The following IAH1 variants were observed in gnomAD, a reference collection of about 807,000 sequenced individuals.
IAH1 encodes isoamyl acetate-hydrolyzing esterase 1 homolog.
A neutral mutation model predicts 26.7 loss-of-function variants in IAH1; 24 were observed. The observed-to-expected ratio is 0.90, with a 90% CI of 0.65 to 1.26. The LOEUF is 1.26. Ranked by LOEUF, IAH1 falls within the 50% of genes most tolerant of loss-of-function variation. IAH1 has a pLI of 0.00. For synonymous variants in IAH1, 140 were observed against 118.5 expected (o/e 1.18, Z -1.18); for missense variants, 300 against 299.9 (o/e 1.00, Z 0.00).
At chr2:9,501,198 T>C (rs1330050295), downstream of IAH1, among the ~76,000 whole-genome samples, 2 of 151,156 alleles carry the variant, frequency 1.3e-5, no homozygotes, top group Non-Finnish European at 2.9e-5. Context: ...AGCTGAAAAA[T>C]ATAAAGAGAT....
chr2:9,484,078 C>T (rs932737264), intron 4 of IAH1, among the ~76,000 whole-genome samples: 1 of 152,210 alleles, frequency 6.6e-6, no homozygotes, highest in Non-Finnish European at 1.5e-5. Flanking sequence ...CCCTTACCAG[C>T]CCCCAGCCCA....
At chr2:9,487,262 T>A (rs1289950016) in intron 5 of IAH1, among the ~76,000 whole-genome samples, 1 of 152,114 alleles carries the variant, frequency 6.6e-6, no homozygotes. Flanking sequence ...TGTATCTTTT[T>A]AAATATGTAC....
intron 6 of IAH1, among the ~76,000 whole-genome samples, chr2:9,495,931 C>T (rs1217870857): frequency 6.7e-6 from 1 of 149,650 alleles, no homozygotes; most frequent in African/African-American, 2.5e-5. Flanking sequence ...AACTCCTGAG[C>T]TCAAGTGATC....
downstream of IAH1, among the ~76,000 whole-genome samples, chr2:9,498,174 C>T (rs892857520): frequency 6.6e-6 from 1 of 152,072 alleles, no homozygotes; most frequent in Non-Finnish European, 1.5e-5. Context: ...GGATTTCAGG[C>T]GTACGCCACC....
chr2:9,501,625 A>C, the IAH1 span, among the ~76,000 whole-genome samples: 7 of 152,142 alleles, frequency 4.6e-5, no homozygotes, highest in African/African-American at 1.2e-4. Flanking sequence ...ATATAGAAAA[A>C]CTGGTTACCC....
Position 9,475,981 on chromosome 2 carries a change from C to T in IAH1, c.82-6C>T. 1 of 1,613,362 alleles carries T rather than the reference C, an allele frequency of 6.2e-7. No homozygotes were observed. On this transcript the variant is annotated splice_polypyrimidine_tract_variant and splice_region_variant and intron_variant, in intron 1 of 5. Transcript: ENST00000497473. ...TAGTAGTAATAATGGGCTTTTCTTC[C>T]TCCAGTTTTCCTTCCAGCAGGGTGG...
At chr2:9,502,047 AAACTC>A in the IAH1 span, 1 of 828,566 alleles carries the variant, frequency 1.2e-6, no homozygotes, top group Non-Finnish European at 1.9e-6. Context: ...GGAGTGCCAG[AAACTC>A]AACCCGGCAT....
At chr2:9,505,299 G>A in the IAH1 span, 1 of 1,614,110 alleles carries the variant, frequency 6.2e-7, no homozygotes, top group Non-Finnish European at 8.5e-7. Flanking sequence ...CTGCGTTCTT[G>A]AAAACACTCC....
Position 9,474,778 on chromosome 2 carries a change from A to G in IAH1, c.81+131A>G. ...GCCGGAGGCCTGGCCACGCCCGTGG[A>G]GACACCGGAGGAGTGGCGGGTCCCC... On this transcript the variant is annotated intron_variant, in intron 1 of 5. Coordinates refer to ENST00000497473, the MANE Select transcript of IAH1 (RefSeq NM_001039613.3). The surrounding 1 kb of genome is among the most constrained non-coding windows in gnomAD (Gnocchi z 4.3). The G allele has an allele frequency of 4.4e-6, 3 of 674,648 alleles. No individual in the cohort carries two copies. Among genetic ancestry groups the G allele is most frequent in the Non-Finnish European group, 6.7e-6 (3 of 447,026 alleles). The allele number at this position is 674,648 out of a possible 1,614,324, so 41.8% of individuals were successfully genotyped here.
chr2:9,475,028 C>T lies in IAH1; in HGVS notation c.81+381C>T, dbSNP rs113401717. On this transcript the variant is annotated intron_variant, in intron 1 of 5. Coordinates refer to ENST00000497473, the MANE Select transcript of IAH1 (RefSeq NM_001039613.3). ...CCGCGGGCGACCGCGCGCTGTGTCCCAGGAGGCCCCGCGGCCAGCTCCGGG... is the reference window on the plus strand; with the variant it reads ...CCGCGGGCGACCGCGCGCTGTGTCCTAGGAGGCCCCGCGGCCAGCTCCGGG... The T allele has an allele frequency of 8.5e-3, 9,692 of 1,139,552 alleles. 647 individuals are homozygous for T. In the African/African-American group the frequency reaches 0.14, roughly 17 times the overall value. 70.6% of individuals were successfully genotyped at this position (1,139,552 alleles called of 1,614,324 possible). A position where few individuals can be genotyped will look rare whatever the true frequency, so the allele number is the denominator to read the frequency against.
chr2:9,505,970 C>T, the IAH1 span, among the ~76,000 whole-genome samples: 1 of 152,142 alleles, frequency 6.6e-6, no homozygotes, highest in Non-Finnish European at 1.5e-5. Context: ...AGACCAGTGT[C>T]TCAAAAAGTC....
the IAH1 span, chr2:9,510,046 T>C: frequency 4.3e-6 from 7 of 1,614,170 alleles, no homozygotes; most frequent in Non-Finnish European, 5.9e-6. Context: ...CTGGTCCTCA[T>C]TCGGGGCACA....
chr2:9,490,518 T>C (rs1197740648), downstream of IAH1: 2 of 1,609,658 alleles, frequency 1.2e-6, no homozygotes, highest in East Asian at 2.2e-5. Flanking sequence ...ATTTCGACGT[T>C]CTGCAAAGAC....
rs1661835431 is a variant in IAH1 at position 9,489,017 on chromosome 2, G to A, written c.*688G>A. The A allele has an allele frequency of 2.0e-5, 3 of 152,194 alleles. No individual in the cohort carries two copies. The highest frequency in any genetic ancestry group is 2.0e-4 in the Admixed American group (3 of 15,282). The allele number at this position is 152,194 out of a possible 1,614,324, so 9.4% of individuals were successfully genotyped here. On this transcript the variant is annotated 3_prime_UTR_variant, in exon 6 of 6. Coordinates refer to ENST00000497473, the MANE Select transcript of IAH1 (RefSeq NM_001039613.3). ...CCAGAATCCTGGAGCAATAAAGTAA[G>A]AAGTAATTCAAATATCTGCTTGTGG...
intron 4 of IAH1, among the ~76,000 whole-genome samples, chr2:9,483,098 G>A (rs551180454): frequency 1.3e-5 from 2 of 152,336 alleles, no homozygotes; most frequent in African/African-American, 4.8e-5. Flanking sequence ...TGTTTCCCAG[G>A]AAAATAATAT....
At position 9,474,930 on chromosome 2, in the gene IAH1, G is replaced by T; in HGVS notation, c.81+283G>T. 1 of 839,876 alleles carries T rather than the reference G, an allele frequency of 1.2e-6. No homozygotes were observed. The allele number at this position is 839,876 out of a possible 1,614,324, so 52.0% of individuals were successfully genotyped here. On this transcript the variant is annotated intron_variant, in intron 1 of 5. Coordinates refer to ENST00000497473, the MANE Select transcript of IAH1 (RefSeq NM_001039613.3). This position sits in a 1 kb window ranked among gnomAD's most constrained non-coding sequence, Gnocchi z 4.3. Reference sequence around the variant, plus strand: ...CCCGCCCCGCGCCGCCTCCCACCCGGGTCGAGATGCGCGGTCTTCCCCTCA... The same window carrying T: ...CCCGCCCCGCGCCGCCTCCCACCCGTGTCGAGATGCGCGGTCTTCCCCTCA...
chr2:9,512,104 A>G, the IAH1 span, among the ~76,000 whole-genome samples: 1 of 152,140 alleles, frequency 6.6e-6, no homozygotes, highest in African/African-American at 2.4e-5. Flanking sequence ...TCATTTTTCT[A>G]TACAAGAAGT....
At chr2:9,491,106 G>A, downstream of IAH1, 1 of 1,612,658 alleles carries the variant, frequency 6.2e-7, no homozygotes, top group South Asian at 1.1e-5. Flanking sequence ...CTTACACTGG[G>A]GTGAAACAGA....
chr2:9,478,202 T>C lies in IAH1; in HGVS notation c.135-20T>C, dbSNP rs201632961. 238 of 1,588,870 alleles carry C rather than the reference T, an allele frequency of 1.5e-4. 1 individual carries two copies. The highest frequency in any genetic ancestry group is 1.3e-3 in the Middle Eastern group (8 of 5,950). On this transcript the variant is annotated intron_variant, in intron 2 of 5. Coordinates refer to ENST00000497473, the MANE Select transcript of IAH1 (RefSeq NM_001039613.3). ...ACACTTCTTGCCCACAATTCATCTTTTTAAAATTTTTCGTTTCAGAAAATG... is the reference window on the plus strand; with the variant it reads ...ACACTTCTTGCCCACAATTCATCTTCTTAAAATTTTTCGTTTCAGAAAATG...
Sources: gnomAD v4.1 joint callset for allele counts (sites outside exome capture counted in the v4.1 genomes callset) on GRCh38, gnomAD v4.1.1 for gene constraint, Gnocchi (gnomAD v3.1) non-coding constraint, MANE v1.5 for transcripts, NCBI Gene and HGNC (gene_info 2026-07-23, HGNC 2026-07-21) for gene names.